The following HOMER1 variants were observed in gnomAD, a reference collection of about 807,000 sequenced individuals.
HOMER1 encodes the protein homer protein homolog 1.
HOMER1 carries 3 observed loss-of-function variants against 48.9 expected under a neutral mutation model. The observed-to-expected ratio is 0.06, with a 90% CI of 0.03 to 0.16. HOMER1 has a LOEUF of 0.16. Among genes scored for constraint, HOMER1 ranks in the 10% least tolerant of loss-of-function variants. The pLI is 1.00. For missense variants in HOMER1, 247 were observed against 411.4 expected (o/e 0.60, Z 3.46); for synonymous variants, 134 against 146.4 (o/e 0.92, Z 0.61).
intron 8 of HOMER1, among the ~76,000 whole-genome samples, chr5:79,390,067 C>T (rs1288120185): frequency 6.6e-6 from 1 of 152,124 alleles, no homozygotes; most frequent in Non-Finnish European, 1.5e-5. Context: ...GGGAGGATTG[C>T]TTGGGCCCAG....
chr5:79,445,312 C>T (rs1750845807), intron 4 of HOMER1, among the ~76,000 whole-genome samples: 2 of 151,870 alleles, frequency 1.3e-5, no homozygotes, highest in African/African-American at 2.4e-5. Flanking sequence ...AGGAGAACAG[C>T]CAAAAGCTGA....
intron 1 of HOMER1, among the ~76,000 whole-genome samples, chr5:79,487,194 G>A (rs937958961): frequency 2.0e-5 from 3 of 152,104 alleles, no homozygotes; most frequent in Admixed American, 6.6e-5. Flanking sequence ...CAGGAGAATC[G>A]CTTGAACCCG....
chr5:79,437,555 T>C (rs950573636), intron 5 of HOMER1, among the ~76,000 whole-genome samples: 3 of 152,204 alleles, frequency 2.0e-5, no homozygotes, highest in Non-Finnish European at 4.4e-5. Context: ...AATAAATCTA[T>C]AACTCCACAA....
intron 1 of HOMER1, among the ~76,000 whole-genome samples, chr5:79,481,700 C>T (rs963547363): frequency 6.6e-6 from 1 of 152,160 alleles, no homozygotes. Context: ...CCCCAGGACT[C>T]ACATAAAACC....
intron 8 of HOMER1, among the ~76,000 whole-genome samples, chr5:79,385,960 A>G (rs1749100116): frequency 6.6e-6 from 1 of 152,150 alleles, no homozygotes. Flanking sequence ...TAAAAAGACA[A>G]AAAAGAACAG....
Position 79,454,917 on chromosome 5 carries a change from T to C in HOMER1, c.162+1945A>G, listed in dbSNP as rs78556585. Among the ~76,000 whole-genome samples the C allele has an allele frequency of 5.3e-3, 801 of 152,272 alleles. 48 individuals carry two copies. The East Asian group carries it at 0.13, about 25-fold the overall frequency. ...TTTTCACAACAACCCTATGGTGGAATGATGTAGGTATTTTTATTCATTCCT... is the reference window on the plus strand; with the variant it reads ...TTTTCACAACAACCCTATGGTGGAACGATGTAGGTATTTTTATTCATTCCT... On this transcript the variant is annotated intron_variant, in intron 2 of 8. Transcript: ENST00000334082.
intron 5 of HOMER1, among the ~76,000 whole-genome samples, chr5:79,425,966 C>G (rs187118871): frequency 6.6e-6 from 1 of 151,338 alleles, no homozygotes; most frequent in East Asian, 1.9e-4. Context: ...TTACAGACAC[C>G]GATGCAGCTA....
chr5:79,458,408 T>C (rs995403631), intron 1 of HOMER1, among the ~76,000 whole-genome samples: 75 of 152,050 alleles, frequency 4.9e-4, no homozygotes, highest in African/African-American at 1.8e-3. Flanking sequence ...AGTAAATTAA[T>C]TTTAAAATTA....
chr5:79,500,959 G>GTCTGTCTC (rs1752564361), intron 1 of HOMER1, among the ~76,000 whole-genome samples: 1 of 129,950 alleles, frequency 7.7e-6, no homozygotes, highest in African/African-American at 3.5e-5. Context: ...GTGTGAGACA[G>GTCTGTCTC]ACAGACACAC....
rs530435998 is a variant in HOMER1 at position 79,479,760 on chromosome 5, T to C, written c.6-22742A>G. 7.2e-5 allele frequency among the ~76,000 whole-genome samples: 11 copies of C among 152,328 alleles called. 1 individual carries two copies. Among genetic ancestry groups the C allele is most frequent in the South Asian group, 6.2e-4 (3 of 4,828 alleles). On this transcript the variant is annotated intron_variant, in intron 1 of 8. Coordinates refer to ENST00000334082, the MANE Select transcript of HOMER1 (RefSeq NM_004272.5). ...AATACAGTAATAGTGATAAAAACCA[T>C]CATCCAGTTAAAATCTATCAACTCT...
chr5:79,513,106 G>A lies in HOMER1; in HGVS notation c.-332C>T, dbSNP rs1049494187. On this transcript the variant is annotated 5_prime_UTR_variant, in exon 1 of 9. Transcript: ENST00000334082. ...GGCTTCACCGAGTCCTATAAAAAAT[G>A]AGTTCGCTGGTCATTTCACTCATGT... 7 of 355,968 alleles carry A rather than the reference G, an allele frequency of 2.0e-5. No individual in the cohort carries two copies. Among genetic ancestry groups the A allele is most frequent in the Non-Finnish European group, 3.6e-5 (7 of 195,296 alleles). The allele number at this position is 355,968 out of a possible 1,614,324, so 22.1% of individuals were successfully genotyped here.
intron 1 of HOMER1, among the ~76,000 whole-genome samples, chr5:79,474,403 T>C (rs1416242305): frequency 1.3e-5 from 2 of 151,978 alleles, no homozygotes; most frequent in African/African-American, 4.8e-5. Context: ...AGTAATATAG[T>C]GAGACAGCAA....
At chr5:79,449,707 T>C (rs1421797054) in intron 3 of HOMER1, among the ~76,000 whole-genome samples, 3 of 152,178 alleles carry the variant, frequency 2.0e-5, no homozygotes. Flanking sequence ...ACTCCTGGCC[T>C]CAAATGATCT....
At chr5:79,390,623 C>T (rs1749224700) in intron 8 of HOMER1, among the ~76,000 whole-genome samples, 1 of 151,832 alleles carries the variant, frequency 6.6e-6, no homozygotes, top group Admixed American at 6.6e-5. Context: ...AAGCACTATC[C>T]AAGTATATGA....
At chr5:79,489,490 G>A (rs1212487756) in intron 1 of HOMER1, among the ~76,000 whole-genome samples, 3 of 152,084 alleles carry the variant, frequency 2.0e-5, no homozygotes, top group Non-Finnish European at 4.4e-5. Flanking sequence ...CCAGGAGGCG[G>A]AGGTTGCAGT....
At chr5:79,456,819 A>AAC in intron 2 of HOMER1, 43 bp downstream of exon 2, 1 of 1,586,118 alleles carries the variant, frequency 6.3e-7, no homozygotes, top group Non-Finnish European at 8.6e-7. Flanking sequence ...TCATACTGAA[A>AAC]AAAGCAAAAC....
chr5:79,454,514 A>C (rs555050286), intron 2 of HOMER1, among the ~76,000 whole-genome samples: 196 of 152,130 alleles, frequency 1.3e-3, no homozygotes, highest in African/African-American at 4.4e-3. Flanking sequence ...AACTTCACTA[A>C]ATCAGTTACA....
chr5:79,503,029 T>C (rs563480661), intron 1 of HOMER1, among the ~76,000 whole-genome samples: 118 of 152,168 alleles, frequency 7.8e-4, no homozygotes, highest in South Asian at 1.0e-3. Context: ...CCTCGTGATC[T>C]GCCCGCCTTG....
intron 1 of HOMER1, among the ~76,000 whole-genome samples, chr5:79,507,708 A>C (rs1752817611): frequency 8.6e-6 from 1 of 116,110 alleles, no homozygotes; most frequent in Non-Finnish European, 1.6e-5. Flanking sequence ...AACACTAAAG[A>C]CTGAAAAAAA....
Sources: gnomAD v4.1 joint callset for allele counts (sites outside exome capture counted in the v4.1 genomes callset) on GRCh38, gnomAD v4.1.1 for gene constraint, MANE v1.5 for transcripts, NCBI Gene and HGNC (gene_info 2026-07-23, HGNC 2026-07-21) for gene names.